The following ARHGAP5 variants were observed in gnomAD, a reference collection of about 807,000 sequenced individuals.
ARHGAP5 encodes Rho GTPase activating protein 5, also known as rho GTPase-activating protein 5.
In ARHGAP5, 23 loss-of-function variants were observed where a neutral mutation model predicts 116.6. The observed-to-expected ratio is 0.20, with a 90% CI of 0.14 to 0.28. The LOEUF (loss-of-function observed/expected upper bound fraction) is 0.28. ARHGAP5 is among the 10% of genes least tolerant of loss of function. The pLI, the probability that ARHGAP5 is intolerant of heterozygous loss-of-function variation, is 1.00. For missense variants in ARHGAP5, 1,405 were observed against 1,774.8 expected (o/e 0.79, Z 3.74); for synonymous variants, 574 against 602.0 (o/e 0.95, Z 0.68).
chr14:32,080,150 A>G (rs2041757317), intron 1 of ARHGAP5, among the ~76,000 whole-genome samples: 1 of 152,016 alleles, frequency 6.6e-6, no homozygotes, highest in Non-Finnish European at 1.5e-5. Flanking sequence ...AATTTTAAGT[A>G]TGAACTTTAA....
At chr14:32,098,156 TCTG>T (rs1878622970) in intron 2 of ARHGAP5, among the ~76,000 whole-genome samples, 1 of 152,192 alleles carries the variant, frequency 6.6e-6, no homozygotes, top group African/African-American at 2.4e-5. Context: ...CATGGACACT[TCTG>T]AAGAAGAAAG....
intron 3 of ARHGAP5, among the ~76,000 whole-genome samples, chr14:32,127,155 T>G (rs1388557459): frequency 1.3e-5 from 2 of 151,680 alleles, no homozygotes; most frequent in East Asian, 3.9e-4. Context: ...GTGCCACCAC[T>G]CCTGGCTGAT....
In ARHGAP5 at chr14:32,116,266, G is replaced by C. The variant is rs112287820; in HGVS notation, c.3718-874G>C. Among the ~76,000 whole-genome samples, 332 of 150,246 alleles carry C rather than the reference G, an allele frequency of 2.2e-3. 1 individual carries two copies. Among genetic ancestry groups the C allele is most frequent in the African/African-American group, 7.8e-3 (317 of 40,718 alleles). ...CCTGCGCCACTGCACTCCAGCCTGG[G>C]TGAGAGAGCAAGACTCCCTCTCAAA... On this transcript the variant is annotated intron_variant, in intron 2 of 6. Coordinates refer to ENST00000345122, the MANE Select transcript of ARHGAP5 (RefSeq NM_001030055.2).
intron 2 of ARHGAP5, among the ~76,000 whole-genome samples, chr14:32,098,538 A>G (rs968590292): frequency 6.6e-6 from 1 of 152,198 alleles, no homozygotes; most frequent in Non-Finnish European, 1.5e-5. Context: ...ATGTTCTTAA[A>G]GGAGGTCAGT....
rs780320196 is a variant in ARHGAP5, at chr14:32,157,058, T to C, written c.*2110T>C. On this transcript the variant is annotated 3_prime_UTR_variant, in exon 7 of 7. Transcript: ENST00000345122. ...AAACTGGCATTTACCGTTTTTCACATTAACCCACCTTGCACCTTCCCCCAA... is the reference window on the plus strand; with the variant it reads ...AAACTGGCATTTACCGTTTTTCACACTAACCCACCTTGCACCTTCCCCCAA... The C allele has an allele frequency of 5.2e-5, 8 of 152,402 alleles. No homozygotes were observed. The highest frequency in any genetic ancestry group is 3.2e-3 in the Middle Eastern group (1 of 316). 9.4% of individuals were successfully genotyped at this position (152,402 alleles called of 1,614,324 possible). A position where few individuals can be genotyped will look rare whatever the true frequency, so the allele number is the denominator to read the frequency against.
At chr14:32,077,970 C>A (rs987849972) in intron 1 of ARHGAP5, among the ~76,000 whole-genome samples, 17 of 152,146 alleles carry the variant, frequency 1.1e-4, no homozygotes, top group Non-Finnish European at 1.8e-4. Flanking sequence ...TCGACTCCTC[C>A]CTGGGTTCTC....
chr14:32,137,472 T>A (rs1255379158), intron 3 of ARHGAP5, among the ~76,000 whole-genome samples: 1 of 151,942 alleles, frequency 6.6e-6, no homozygotes, highest in African/African-American at 2.4e-5. Context: ...TTACTGTAAT[T>A]TTGTAGTAAG....
chr14:32,136,304 C>A (rs1365444969), intron 3 of ARHGAP5, among the ~76,000 whole-genome samples: 1 of 152,190 alleles, frequency 6.6e-6, no homozygotes, highest in Non-Finnish European at 1.5e-5. Flanking sequence ...TCTCACAGCC[C>A]TTGCAACCAA....
intron 5 of ARHGAP5, among the ~76,000 whole-genome samples, chr14:32,152,044 G>C (rs1881658317): frequency 6.6e-6 from 1 of 152,170 alleles, no homozygotes; most frequent in Non-Finnish European, 1.5e-5. Flanking sequence ...TTGGATAAGG[G>C]AAACCGGGCT....
chr14:32,108,394 T>C (rs530218064), intron 2 of ARHGAP5, among the ~76,000 whole-genome samples: 50 of 151,912 alleles, frequency 3.3e-4, no homozygotes, highest in East Asian at 1.2e-3. Context: ...TAGGAGTGAT[T>C]CTGAAGGAGA....
At position 32,077,377 on chromosome 14, in the gene ARHGAP5, G is replaced by GCCGCCA. The variant is rs754337195; in HGVS notation, c.-221_-216dup. 588 of 668,274 alleles carry GCCGCCA rather than the reference G, an allele frequency of 8.8e-4. 3 individuals are homozygous for GCCGCCA. Among genetic ancestry groups the GCCGCCA allele is most frequent in the South Asian group, 8.6e-3 (574 of 67,058 alleles). 41.4% of individuals were successfully genotyped at this position (668,274 alleles called of 1,614,324 possible). The stretch of plus-strand genomic sequence containing the variant: ...AGCGGTCCCCAGGAATGTCGCTGCC[G>GCCGCCA]CCGCCACCGCCGGGGCCGCTGCCGT... On this transcript the variant is annotated 5_prime_UTR_variant, in exon 1 of 7. Transcript: ENST00000345122.
intron 3 of ARHGAP5, among the ~76,000 whole-genome samples, chr14:32,125,363 C>T (rs1178459722): frequency 6.6e-6 from 1 of 152,164 alleles, no homozygotes; most frequent in Non-Finnish European, 1.5e-5. Context: ...CATGCACACA[C>T]ATTTTGCTTT....
At chr14:32,121,870 T>C (rs1054120623) in intron 3 of ARHGAP5, among the ~76,000 whole-genome samples, 20 of 152,278 alleles carry the variant, frequency 1.3e-4, no homozygotes, top group Admixed American at 5.9e-4. Flanking sequence ...TTCTTTCATT[T>C]AACATAGTTT....
At position 32,150,033 on chromosome 14, in the gene ARHGAP5, A is replaced by AG; in HGVS notation, c.4075+1dup. 6.3e-7 allele frequency: 1 copy of AG among 1,586,548 alleles called. No individual in the cohort carries two copies. Among genetic ancestry groups the AG allele is most frequent in the Non-Finnish European group, 8.5e-7 (1 of 1,169,954 alleles). The stretch of plus-strand genomic sequence containing the variant: ...TCATCCAGAACTATTGGAAGCAGCA[A>AG]GTAAGTATAAACCTCCTTTTTATGA... On this transcript the variant is annotated frameshift_variant and splice_region_variant. Coordinates refer to ENST00000345122, the MANE Select transcript of ARHGAP5 (RefSeq NM_001030055.2). LOFTEE classifies it high-confidence loss of function.
At chr14:32,077,550 G>T in intron 1 of ARHGAP5, 115 bp downstream of exon 1, 1 of 572,456 alleles carries the variant, frequency 1.7e-6, no homozygotes, top group East Asian at 3.2e-5. Flanking sequence ...CAGTTGAAGG[G>T]GCTGGGGCCC....
chr14:32,133,971 A>T (rs1880650753), intron 3 of ARHGAP5, among the ~76,000 whole-genome samples: 1 of 152,166 alleles, frequency 6.6e-6, no homozygotes, highest in Non-Finnish European at 1.5e-5. Context: ...AACTCATTTT[A>T]TGAGGCCAGC....
At chr14:32,124,210 T>C (rs1448436136) in intron 3 of ARHGAP5, among the ~76,000 whole-genome samples, 1 of 152,180 alleles carries the variant, frequency 6.6e-6, no homozygotes. Flanking sequence ...CCTCATTTGC[T>C]GCTTTTTCCC....
At position 32,093,453 on chromosome 14, in the gene ARHGAP5, T is replaced by A; in HGVS notation, c.2784T>A (p.Thr928=). The A allele has an allele frequency of 6.2e-7, 1 of 1,613,494 alleles. No individual in the cohort carries two copies. Among genetic ancestry groups the A allele is most frequent in the Non-Finnish European group, 8.5e-7 (1 of 1,179,804 alleles). ...LYSLSQYHRQ[T]EVFTLFFSDV... is the part of the protein sequence containing the mutation. ...CTTTATCTCAGTATCATCGGCAAAC[T>A]GAGGTCTTTACTCTGTTTTTTAGTG... The change falls in exon 2 of 7, where the codon ACT becomes ACA. Residue 928 remains threonine, a synonymous_variant. Coordinates refer to ENST00000345122, the MANE Select transcript of ARHGAP5 (RefSeq NM_001030055.2).
chr14:32,084,803 G>A (rs978931413), intron 1 of ARHGAP5, among the ~76,000 whole-genome samples: 4 of 151,946 alleles, frequency 2.6e-5, no homozygotes, highest in Admixed American at 6.6e-5. Context: ...GTATTATTTC[G>A]AGTCCAGGAC....
Sources: allele counts gnomAD v4.1 joint callset (sites outside exome capture counted in the v4.1 genomes callset), GRCh38; gene constraint gnomAD v4.1.1; transcripts MANE v1.5; gene names NCBI Gene and HGNC (gene_info 2026-07-23, HGNC 2026-07-21).